PLXDC2: variants seen among roughly 807,000 people sequenced by gnomAD.
PLXDC2 encodes the protein plexin domain-containing protein 2.
In PLXDC2, 40 loss-of-function variants were observed where a neutral mutation model predicts 68.9. The observed-to-expected ratio is 0.58, with a 90% CI of 0.45 to 0.76. The LOEUF is 0.76. Ranked by LOEUF, PLXDC2 falls within the 30% of genes least tolerant of loss-of-function variation. The pLI, the probability that PLXDC2 is intolerant of heterozygous loss-of-function variation, is 0.00. For synonymous variants in PLXDC2, 243 were observed against 234.2 expected (o/e 1.04, Z -0.34); for missense variants, 644 against 661.9 (o/e 0.97, Z 0.30).
chr10:19,890,655 G>A (rs1171137889), intron 1 of PLXDC2, among the ~76,000 whole-genome samples: 26 of 143,118 alleles, frequency 1.8e-4, no homozygotes, highest in Non-Finnish European at 3.3e-4. Context: ...GATTACAGGC[G>A]TGAGCCACCG....
chr10:20,102,805 C>A (rs901622986), intron 4 of PLXDC2, among the ~76,000 whole-genome samples: 4 of 152,076 alleles, frequency 2.6e-5, no homozygotes, highest in Non-Finnish European at 5.9e-5. Flanking sequence ...GGAAAAATGG[C>A]GGCTGGAGGT....
chr10:20,227,670 G>T (rs1004820221), intron 12 of PLXDC2, among the ~76,000 whole-genome samples: 2 of 152,186 alleles, frequency 1.3e-5, no homozygotes, highest in Admixed American at 1.3e-4. Flanking sequence ...CCAGGCAATG[G>T]GGTTTGAACT....
At chr10:20,025,298 T>C (rs1407815010) in intron 2 of PLXDC2, among the ~76,000 whole-genome samples, 2 of 151,880 alleles carry the variant, frequency 1.3e-5, no homozygotes, top group Non-Finnish European at 2.9e-5. Context: ...AGTTTTGCTA[T>C]TTTTGCCCAG....
chr10:20,125,549 C>A (rs1223736765), intron 4 of PLXDC2, among the ~76,000 whole-genome samples: 1 of 152,070 alleles, frequency 6.6e-6, no homozygotes, highest in Non-Finnish European at 1.5e-5. Context: ...GGGCACATGT[C>A]TCAATAAAGG....
intron 1 of PLXDC2, among the ~76,000 whole-genome samples, chr10:19,928,911 T>C (rs964110328): frequency 6.6e-6 from 1 of 151,800 alleles, no homozygotes; most frequent in East Asian, 2.0e-4. Context: ...TGTGCCACCA[T>C]GTCCAGCTAA....
intron 3 of PLXDC2, among the ~76,000 whole-genome samples, chr10:20,057,997 T>C (rs1189061966): frequency 9.5e-5 from 14 of 147,642 alleles, no homozygotes. Flanking sequence ...TTTCCAATAA[T>C]TTTTTTTTAA....
At chr10:20,009,034 A>G (rs1835069699) in intron 2 of PLXDC2, among the ~76,000 whole-genome samples, 1 of 152,184 alleles carries the variant, frequency 6.6e-6, no homozygotes. Context: ...AGTACATTGG[A>G]TTATCCATAG....
intron 4 of PLXDC2, among the ~76,000 whole-genome samples, chr10:20,106,057 C>T (rs1051567059): frequency 2.6e-5 from 4 of 152,110 alleles, no homozygotes; most frequent in Non-Finnish European, 4.4e-5. Context: ...AAAGATAAAG[C>T]AGAATTCTTG....
chr10:20,211,844 A>T lies in PLXDC2; in HGVS notation c.1122+115A>T, dbSNP rs114298726. On this transcript the variant is annotated intron_variant, in intron 10 of 13. Transcript: ENST00000377252. ...CCCTAAAACTTAATGAAAGGAGAAGAATCCTTCTATAAGCCCAATGTCTGC... is the reference window on the plus strand; with the variant it reads ...CCCTAAAACTTAATGAAAGGAGAAGTATCCTTCTATAAGCCCAATGTCTGC... 4.0e-3 allele frequency: 3,857 copies of T among 973,952 alleles called. 114 individuals carry two copies. In the African/African-American group the frequency reaches 0.058, roughly 15 times the overall value. The allele number at this position is 973,952 out of a possible 1,614,324, so 60.3% of individuals were successfully genotyped here.
intron 5 of PLXDC2, 78 bp from the exon 6 acceptor site, chr10:20,147,706 A>G (rs1037972773): frequency 2.0e-5 from 18 of 883,800 alleles, no homozygotes; most frequent in Non-Finnish European, 2.6e-5. Flanking sequence ...ATGCAAAAAC[A>G]TTTTTGTGAA....
At chr10:19,961,469 T>A (rs1031352631) in intron 1 of PLXDC2, among the ~76,000 whole-genome samples, 3 of 152,214 alleles carry the variant, frequency 2.0e-5, no homozygotes, top group Non-Finnish European at 2.9e-5. Context: ...AAAGAAAAAT[T>A]GTTAGCAAAA....
At chr10:20,114,174 T>G (rs998192547) in intron 4 of PLXDC2, among the ~76,000 whole-genome samples, 12 of 152,166 alleles carry the variant, frequency 7.9e-5, no homozygotes, top group Non-Finnish European at 1.6e-4. Context: ...TGGTCAAGTC[T>G]TTGTTGAACT....
intron 1 of PLXDC2, among the ~76,000 whole-genome samples, chr10:19,916,670 G>A (rs1247836696): frequency 2.6e-5 from 4 of 152,042 alleles, no homozygotes; most frequent in Admixed American, 6.6e-5. Flanking sequence ...CTCAAGTCCA[G>A]AGACAAATCT....
chr10:20,082,070 A>AAAAAAAAAAAAAAAAAAAAAAAAAAAAC (rs1554765383), intron 4 of PLXDC2, among the ~76,000 whole-genome samples: 2 of 121,932 alleles, frequency 1.6e-5, no homozygotes, highest in Non-Finnish European at 3.5e-5. Context: ...AAATCAAAAA[A>AAAAAAAAAAAAAAAAAAAAAAAAAAAAC]AAAAAACAGG....
chr10:20,092,316 T>C (rs927830203), intron 4 of PLXDC2, among the ~76,000 whole-genome samples: 1 of 152,194 alleles, frequency 6.6e-6, no homozygotes, highest in East Asian at 1.9e-4. Flanking sequence ...TCTGTAGCAC[T>C]GATGGAACAG....
chr10:19,963,595 C>T (rs947720289), intron 1 of PLXDC2, among the ~76,000 whole-genome samples: 1 of 152,166 alleles, frequency 6.6e-6, no homozygotes, highest in East Asian at 1.9e-4. Flanking sequence ...GGCCAAAAAA[C>T]CAAACACCGC....
intron 13 of PLXDC2, among the ~76,000 whole-genome samples, chr10:20,268,192 CATAATT>C (rs1293279740): frequency 6.6e-6 from 1 of 151,920 alleles, no homozygotes; most frequent in Non-Finnish European, 1.5e-5. Context: ...TTTTCAGGGT[CATAATT>C]ATATTTTTAT....
chr10:19,887,095 T>C (rs1837860800), intron 1 of PLXDC2, among the ~76,000 whole-genome samples: 1 of 152,208 alleles, frequency 6.6e-6, no homozygotes, highest in Non-Finnish European at 1.5e-5. Flanking sequence ...TGAAAACCAC[T>C]AGTTAGGATA....
Position 20,253,103 on chromosome 10 carries a change from G to A in PLXDC2, c.1473+7598G>A, listed in dbSNP as rs983509540. On this transcript the variant is annotated intron_variant, in intron 13 of 13. Transcript: ENST00000377252. ...TCCTAGGCCAGGTGCGGTGGCTCATGCCTGTAATCCCAGAACATTGGGAGA... is the reference window on the plus strand; with the variant it reads ...TCCTAGGCCAGGTGCGGTGGCTCATACCTGTAATCCCAGAACATTGGGAGA... Among the ~76,000 whole-genome samples, 7 of 151,976 alleles carry A rather than the reference G, an allele frequency of 4.6e-5. No individual in the cohort carries two copies. The East Asian group carries it at 9.6e-4, about 21-fold the overall frequency.
Sources: allele counts gnomAD v4.1 joint callset (sites outside exome capture counted in the v4.1 genomes callset), GRCh38; gene constraint gnomAD v4.1.1; transcripts MANE v1.5; gene names NCBI Gene and HGNC (gene_info 2026-07-23, HGNC 2026-07-21).